The following NRXN1 variants were observed in gnomAD, a reference collection of about 807,000 sequenced individuals.
NRXN1 encodes the protein neurexin-1.
In NRXN1, 39 loss-of-function variants were observed where a neutral mutation model predicts 150.9. The ratio of observed to expected loss-of-function variants is 0.26; its 90% confidence interval spans 0.20 to 0.34. NRXN1 has a LOEUF of 0.34. NRXN1 is among the 10% of genes least tolerant of loss of function. The probability of loss-of-function intolerance (pLI) is 1.00; values close to 1 mark genes in which losing one functional copy is unlikely to be tolerated. For missense variants in NRXN1, 1,815 were observed against 1,949.9 expected, an observed-to-expected ratio of 0.93 and a Z score of 1.30; for synonymous variants, 924 against 757.0, an observed-to-expected ratio of 1.22 and a Z score of -3.62.
chr2:50,197,612 CT>C (rs1215700228), intron 18 of NRXN1, among the ~76,000 whole-genome samples: 1 of 151,898 alleles, frequency 6.6e-6, no homozygotes, highest in Non-Finnish European at 1.5e-5. Context: ...TATTTTTATC[CT>C]TGATAACTTC....
intron 17 of NRXN1, among the ~76,000 whole-genome samples, chr2:50,247,155 A>T (rs1004607921): frequency 6.6e-6 from 1 of 152,102 alleles, no homozygotes; most frequent in Non-Finnish European, 1.5e-5. Context: ...CAACAATCTC[A>T]GATAAGGACA....
chr2:50,130,126 G>A (rs1233589156), intron 18 of NRXN1, among the ~76,000 whole-genome samples: 1 of 152,102 alleles, frequency 6.6e-6, no homozygotes, highest in Non-Finnish European at 1.5e-5. Context: ...TCACAGTTTT[G>A]TCGCTTCTTT....
chr2:51,025,573 T>C (rs1344318266), intron 2 of NRXN1, among the ~76,000 whole-genome samples: 1 of 152,148 alleles, frequency 6.6e-6, no homozygotes, highest in East Asian at 1.9e-4. Flanking sequence ...CATGGGTCCT[T>C]CATTAAATTG....
chr2:51,004,863 G>C (rs1424791004), intron 2 of NRXN1, among the ~76,000 whole-genome samples: 1 of 151,828 alleles, frequency 6.6e-6, no homozygotes, highest in Non-Finnish European at 1.5e-5. Context: ...TGCTTAGTAA[G>C]CACTGAAATA....
chr2:50,054,308 G>C, intron 20 of NRXN1, among the ~76,000 whole-genome samples: 1 of 151,978 alleles, frequency 6.6e-6, no homozygotes, highest in Middle Eastern at 3.2e-3. Context: ...AACCGATGGA[G>C]AAATTATGGC....
chr2:50,097,198 T>C (rs2152705022), intron 18 of NRXN1, among the ~76,000 whole-genome samples: 1 of 152,338 alleles, frequency 6.6e-6, no homozygotes, highest in Admixed American at 6.5e-5. Context: ...GTCTGTTTAC[T>C]ATACTCCTAG....
chr2:50,737,372 T>C (rs1472195509), intron 5 of NRXN1, among the ~76,000 whole-genome samples: 1 of 152,202 alleles, frequency 6.6e-6, no homozygotes, highest in African/African-American at 2.4e-5. Flanking sequence ...AGAACTCTTA[T>C]GGTACTGTTT....
chr2:50,039,085 G>A (rs1374852803), intron 21 of NRXN1, among the ~76,000 whole-genome samples: 23 of 152,072 alleles, frequency 1.5e-4, no homozygotes, highest in Admixed American at 1.4e-3. Context: ...CCTGAGGCAG[G>A]AGAATTGCTT....
At chr2:50,466,132 T>C (rs1422563324) in intron 16 of NRXN1, among the ~76,000 whole-genome samples, 5 of 151,780 alleles carry the variant, frequency 3.3e-5, no homozygotes, top group African/African-American at 1.2e-4. Flanking sequence ...AAAAACTCCA[T>C]ATAAATGGCA....
intron 17 of NRXN1, among the ~76,000 whole-genome samples, chr2:50,364,445 C>A (rs2079443953): frequency 6.6e-6 from 1 of 152,108 alleles, no homozygotes; most frequent in Non-Finnish European, 1.5e-5. Flanking sequence ...CATGTGTGAT[C>A]CCATTCCAGC....
At chr2:50,181,339 A>AT (rs2060701199) in intron 18 of NRXN1, among the ~76,000 whole-genome samples, 1 of 152,088 alleles carries the variant, frequency 6.6e-6, no homozygotes, top group Middle Eastern at 3.4e-3. Context: ...CTGTTTATTA[A>AT]TTTTTTGTCC....
chr2:50,738,772 G>A (rs1217314789), intron 5 of NRXN1, among the ~76,000 whole-genome samples: 1 of 152,230 alleles, frequency 6.6e-6, no homozygotes, highest in East Asian at 1.9e-4. Context: ...ACAATCAAAT[G>A]TATCCTGTAC....
chr2:50,556,592 G>C (rs920403470), intron 8 of NRXN1, among the ~76,000 whole-genome samples: 1 of 148,054 alleles, frequency 6.8e-6, no homozygotes, highest in Middle Eastern at 3.6e-3. Flanking sequence ...TCAAATATTT[G>C]TTAGAATTTT....
chr2:50,373,670 G>GA (rs1259891756), intron 17 of NRXN1, among the ~76,000 whole-genome samples: 1,806 of 98,316 alleles, frequency 0.018, 17 homozygotes, highest in African/African-American at 0.058. Context: ...AAGAAAGAAA[G>GA]AAAGAAAGAA....
chr2:50,159,893 A>C (rs2059257702), intron 18 of NRXN1, among the ~76,000 whole-genome samples: 1 of 152,194 alleles, frequency 6.6e-6, no homozygotes, highest in Admixed American at 6.6e-5. Context: ...GGAAGAAAAA[A>C]AAATTATTCA....
intron 5 of NRXN1, among the ~76,000 whole-genome samples, chr2:50,721,097 G>A (rs1696584114): frequency 6.6e-6 from 1 of 152,142 alleles, no homozygotes; most frequent in South Asian, 2.1e-4. Flanking sequence ...ATAGAAACAT[G>A]GAAATTGTGA....
intron 9 of NRXN1, among the ~76,000 whole-genome samples, chr2:50,540,246 C>T (rs1380986293): frequency 9.2e-5 from 14 of 152,116 alleles, no homozygotes; most frequent in Admixed American, 9.2e-4. Flanking sequence ...CCTAGGGAAG[C>T]AGCTAAAAGA....
intron 16 of NRXN1, among the ~76,000 whole-genome samples, chr2:50,468,303 AC>A (rs2089123668): frequency 6.6e-6 from 1 of 151,670 alleles, no homozygotes; most frequent in Non-Finnish European, 1.5e-5. Context: ...AACTCAGAGT[AC>A]CTGCCAAGCT....
chr2:50,705,078 C>CT (rs1694250880), intron 5 of NRXN1, among the ~76,000 whole-genome samples: 2 of 135,976 alleles, frequency 1.5e-5, no homozygotes, highest in Admixed American at 1.5e-4. Flanking sequence ...ACACACACAC[C>CT]CATCCCCAGG....
Sources: gnomAD v4.1 joint callset for allele counts (sites outside exome capture counted in the v4.1 genomes callset) on GRCh38, gnomAD v4.1.1 for gene constraint, MANE v1.5 for transcripts, NCBI Gene and HGNC (gene_info 2026-07-23, HGNC 2026-07-21) for gene names.